The following HS6ST3 variants were observed in gnomAD, a reference collection of about 807,000 sequenced individuals.
HS6ST3 encodes the protein heparan-sulfate 6-O-sulfotransferase 3.
Under a neutral mutation model 36.7 loss-of-function variants are expected in HS6ST3, and 12 were observed. That is an observed-to-expected ratio of 0.33 (90% CI 0.21 to 0.53). The LOEUF is 0.53. Among genes scored for constraint, HS6ST3 ranks in the 20% least tolerant of loss-of-function variants. HS6ST3 has a pLI of 0.95. For missense variants in HS6ST3, 584 were observed against 640.9 expected, an observed-to-expected ratio of 0.91 and a Z score of 0.96; for synonymous variants, 240 against 257.5, an observed-to-expected ratio of 0.93 and a Z score of 0.65.
chr13:96,537,897 A>G (rs1010584323), intron 1 of HS6ST3, among the ~76,000 whole-genome samples: 1 of 152,192 alleles, frequency 6.6e-6, no homozygotes, highest in Admixed American at 6.5e-5. Context: ...GAGATTCATC[A>G]TGGTGGGAGA....
At chr13:96,306,698 G>A (rs886974489) in intron 1 of HS6ST3, among the ~76,000 whole-genome samples, 26 of 152,032 alleles carry the variant, frequency 1.7e-4, no homozygotes, top group African/African-American at 6.0e-4. Flanking sequence ...CTGTGTGCAC[G>A]GCCTGTGTTC....
intron 1 of HS6ST3, among the ~76,000 whole-genome samples, chr13:96,352,451 T>C (rs149316833): frequency 1.7e-3 from 254 of 152,314 alleles, no homozygotes; most frequent in African/African-American, 5.9e-3. Context: ...GCCACTCAAG[T>C]GTCTTTACAG....
intron 1 of HS6ST3, among the ~76,000 whole-genome samples, chr13:96,824,322 A>T (rs1878604759): frequency 6.6e-6 from 1 of 152,306 alleles, no homozygotes; most frequent in East Asian, 1.9e-4. Flanking sequence ...CCTCCTCCTC[A>T]TGTTGCGGAC....
intron 1 of HS6ST3, among the ~76,000 whole-genome samples, chr13:96,222,426 A>G (rs1362573910): frequency 1.3e-5 from 2 of 152,234 alleles, no homozygotes; most frequent in African/African-American, 4.8e-5. Flanking sequence ...TAAAGAACAT[A>G]GTAAAGCCCA....
intron 1 of HS6ST3, among the ~76,000 whole-genome samples, chr13:96,162,489 A>G (rs935989840): frequency 3.9e-5 from 6 of 152,200 alleles, no homozygotes; most frequent in Non-Finnish European, 8.8e-5. Flanking sequence ...GGTGCTGGAG[A>G]AACATCCCTG....
At chr13:96,527,455 G>A (rs2056118777) in intron 1 of HS6ST3, among the ~76,000 whole-genome samples, 2 of 152,158 alleles carry the variant, frequency 1.3e-5, no homozygotes, top group Admixed American at 6.5e-5. Context: ...TTTGAGTGCG[G>A]GAAGCAGACA....
chr13:96,555,020 C>A (rs936890074), intron 1 of HS6ST3, among the ~76,000 whole-genome samples: 4 of 152,032 alleles, frequency 2.6e-5, no homozygotes, highest in African/African-American at 9.7e-5. Flanking sequence ...GTTGAGGCTG[C>A]AGTGAGCTGT....
chr13:96,241,380 C>T (rs2054559096), intron 1 of HS6ST3, among the ~76,000 whole-genome samples: 2 of 151,824 alleles, frequency 1.3e-5, no homozygotes, highest in Non-Finnish European at 2.9e-5. Context: ...TAGAACATTG[C>T]CTCATTCTTT....
At chr13:96,606,892 A>G (rs981277883) in intron 1 of HS6ST3, among the ~76,000 whole-genome samples, 10 of 152,246 alleles carry the variant, frequency 6.6e-5, no homozygotes, top group Non-Finnish European at 1.5e-4. Flanking sequence ...ACATGAAATA[A>G]GAGGAAAGCT....
intron 1 of HS6ST3, among the ~76,000 whole-genome samples, chr13:96,494,357 A>G (rs2055962471): frequency 7.4e-6 from 1 of 135,610 alleles, no homozygotes; most frequent in South Asian, 2.4e-4. Context: ...AACAATGGAC[A>G]CAGGAAGGGG....
At chr13:96,289,737 A>C (rs1245439775) in intron 1 of HS6ST3, among the ~76,000 whole-genome samples, 1 of 152,168 alleles carries the variant, frequency 6.6e-6, no homozygotes, top group East Asian at 1.9e-4. Flanking sequence ...TGAGTATGGC[A>C]GATGCTACAA....
intron 1 of HS6ST3, among the ~76,000 whole-genome samples, chr13:96,793,558 G>A (rs1327868908): frequency 6.6e-6 from 1 of 152,056 alleles, no homozygotes; most frequent in Non-Finnish European, 1.5e-5. Context: ...GAGAAGGAGG[G>A]TTGGTGAGTG....
At position 96,269,194 on chromosome 13, in the gene HS6ST3, T is replaced by C. The variant is rs771570592; in HGVS notation, c.707+177625T>C. On this transcript the variant is annotated intron_variant, in intron 1 of 1. Transcript: ENST00000376705. ...ATGAAATTAGATGTAATAAACTGTG[T>C]AAAGGGTCAAAGTTTTATGGTTTTA... Among the ~76,000 whole-genome samples the C allele has an allele frequency of 1.4e-4, 21 of 152,008 alleles. 1 individual carries two copies. Among genetic ancestry groups the C allele is most frequent in the Non-Finnish European group, 2.4e-4 (16 of 68,022 alleles).
intron 1 of HS6ST3, among the ~76,000 whole-genome samples, chr13:96,303,129 C>G (rs1465304483): frequency 6.6e-6 from 1 of 152,132 alleles, no homozygotes. Flanking sequence ...TTGGAAGTTT[C>G]TATCATTTAA....
chr13:96,639,822 C>G (rs1417292718), intron 1 of HS6ST3, among the ~76,000 whole-genome samples: 1 of 151,938 alleles, frequency 6.6e-6, no homozygotes, highest in East Asian at 1.9e-4. Flanking sequence ...GTTTCCTGTT[C>G]CTGTGTGAAT....
chr13:96,161,618 A>C (rs575261199), intron 1 of HS6ST3, among the ~76,000 whole-genome samples: 20 of 152,220 alleles, frequency 1.3e-4, no homozygotes, highest in Admixed American at 1.3e-3. Context: ...CAGTGTGCAG[A>C]TGAGCTATGT....
intron 1 of HS6ST3, among the ~76,000 whole-genome samples, chr13:96,698,313 G>C (rs950646183): frequency 6.6e-6 from 1 of 151,968 alleles, no homozygotes; most frequent in Non-Finnish European, 1.5e-5. Flanking sequence ...TTTTGTCCTT[G>C]TGATAGTTTG....
chr13:96,526,106 TA>T (rs1305960152), intron 1 of HS6ST3, among the ~76,000 whole-genome samples: 2 of 152,138 alleles, frequency 1.3e-5, no homozygotes, highest in African/African-American at 4.8e-5. Flanking sequence ...TGGAGTGCCT[TA>T]GTTAAAGGTA....
intron 1 of HS6ST3, among the ~76,000 whole-genome samples, chr13:96,236,680 G>A (rs1241165225): frequency 6.6e-6 from 1 of 152,164 alleles, no homozygotes; most frequent in East Asian, 1.9e-4. Flanking sequence ...ATACACAAGA[G>A]GTGCCAAGAT....
Sources: allele counts gnomAD v4.1 joint callset (sites outside exome capture counted in the v4.1 genomes callset), GRCh38; gene constraint gnomAD v4.1.1; transcripts MANE v1.5; gene names NCBI Gene and HGNC (gene_info 2026-07-23, HGNC 2026-07-21).